Variants in UBE2D2 observed in about 807,000 individuals in gnomAD.
UBE2D2 encodes the protein ubiquitin conjugating enzyme E2 D2.
A neutral mutation model predicts 24.2 loss-of-function variants in UBE2D2; 2 were observed. The observed-to-expected ratio is 0.08, with a 90% CI of 0.03 to 0.26. The LOEUF (loss-of-function observed/expected upper bound fraction) is 0.26. Ranked by LOEUF, UBE2D2 falls within the 10% of genes least tolerant of loss-of-function variation. The pLI is 1.00. For synonymous variants in UBE2D2, 58 were observed against 56.5 expected (o/e 1.03, Z -0.12); for missense variants, 44 against 177.6 (o/e 0.25, Z 4.28).
intron 2 of UBE2D2, among the ~76,000 whole-genome samples, chr5:139,604,140 C>CTTTT (rs558742235): frequency 1.4e-5 from 2 of 140,334 alleles, no homozygotes; most frequent in South Asian, 2.3e-4. Flanking sequence ...ATTTTTAAAA[C>CTTTT]TTTTTTTTTT....
intron 1 of UBE2D2, among the ~76,000 whole-genome samples, chr5:139,572,726 A>G (rs1316249300): frequency 2.0e-5 from 3 of 151,150 alleles, no homozygotes; most frequent in African/African-American, 7.3e-5. Context: ...GCTCACTGCA[A>G]CCTCCGCCTC....
intron 1 of UBE2D2, among the ~76,000 whole-genome samples, chr5:139,594,261 G>C (rs1365553737): frequency 1.3e-5 from 2 of 152,182 alleles, no homozygotes; most frequent in Non-Finnish European, 2.9e-5. Context: ...CAAGGATATA[G>C]TGAAAGGGAA....
At chr5:139,606,256 G>A (rs929674947) in intron 2 of UBE2D2, among the ~76,000 whole-genome samples, 2 of 152,100 alleles carry the variant, frequency 1.3e-5, no homozygotes, top group Non-Finnish European at 2.9e-5. Context: ...CTGCGTCCCA[G>A]GTTCAAGCAA....
At chr5:139,578,925 T>C (rs143168880) in intron 1 of UBE2D2, among the ~76,000 whole-genome samples, 1 of 152,322 alleles carries the variant, frequency 6.6e-6, no homozygotes, top group African/African-American at 2.4e-5. Context: ...TGCCATTGAT[T>C]ATATGCAGCT....
upstream of UBE2D2, among the ~76,000 whole-genome samples, chr5:139,557,119 C>G (rs1388360089): frequency 6.6e-6 from 1 of 151,198 alleles, no homozygotes; most frequent in Non-Finnish European, 1.5e-5. Context: ...AGGTATGAGT[C>G]ACTGTGCCCA....
At chr5:139,547,310 C>T (rs187494885) in intron 1 of UBE2D2, among the ~76,000 whole-genome samples, 1 of 152,012 alleles carries the variant, frequency 6.6e-6, no homozygotes, top group African/African-American at 2.4e-5. Flanking sequence ...GTGGCTCACA[C>T]AGCAAAGGAT....
chr5:139,602,981 C>T lies in UBE2D2; in HGVS notation c.88+2546C>T, dbSNP rs1754116319. Among the ~76,000 whole-genome samples the T allele has an allele frequency of 3.3e-5, 5 of 152,138 alleles. No individual in the cohort carries two copies. In the South Asian group the frequency reaches 1.0e-3, roughly 32 times the overall value. On this transcript the variant is annotated intron_variant, in intron 2 of 6. Coordinates refer to ENST00000398733, the MANE Select transcript of UBE2D2 (RefSeq NM_003339.3). The stretch of plus-strand genomic sequence containing the variant: ...GTCTCATTTAAGCCTTACAACAACT[C>T]ATTTAGGTGAGTGGAGTAGAAATTT...
intron 1 of UBE2D2, among the ~76,000 whole-genome samples, chr5:139,564,406 A>G (rs1427129908): frequency 6.6e-6 from 1 of 150,734 alleles, no homozygotes; most frequent in Non-Finnish European, 1.5e-5. Flanking sequence ...CACCTGCCTC[A>G]GCCTCCCAAA....
rs151321535 is a variant in UBE2D2, at chr5:139,562,918, C to A, written c.24+1103C>A. 6.2e-3 allele frequency among the ~76,000 whole-genome samples: 947 copies of A among 152,138 alleles called. 15 individuals are homozygous for A. Among genetic ancestry groups the A allele is most frequent in the African/African-American group, 0.02 (815 of 41,522 alleles). ...GCTACTCAGATTGGCTATATTAAAC[C>A]GGTAGCTACTTTTTTCTTCAATACA... On this transcript the variant is annotated intron_variant, in intron 1 of 6. Coordinates refer to ENST00000398733, the MANE Select transcript of UBE2D2 (RefSeq NM_003339.3).
intron 1 of UBE2D2, among the ~76,000 whole-genome samples, chr5:139,584,644 TGCCTCA>T (rs1435436246): frequency 6.7e-6 from 1 of 150,234 alleles, no homozygotes; most frequent in African/African-American, 2.5e-5. Flanking sequence ...GCGATTCTCC[TGCCTCA>T]GCCTCCCTAG....
intron 1 of UBE2D2, chr5:139,562,490 T>A (rs1753132385): frequency 4.0e-6 from 5 of 1,240,094 alleles, no homozygotes; most frequent in Non-Finnish European, 5.2e-6. Context: ...AACTAACACT[T>A]CCGTTTTGCA....
intron 2 of UBE2D2, among the ~76,000 whole-genome samples, chr5:139,603,030 C>G (rs947148118): frequency 6.6e-6 from 1 of 152,078 alleles, no homozygotes; most frequent in African/African-American, 2.4e-5. Flanking sequence ...AAAAAAGTCC[C>G]ATGAGAATCT....
At chr5:139,597,168 T>C (rs2126682469) in intron 1 of UBE2D2, among the ~76,000 whole-genome samples, 1 of 152,342 alleles carries the variant, frequency 6.6e-6, no homozygotes, top group South Asian at 2.1e-4. Flanking sequence ...ATAATGATTT[T>C]GAACATTTCT....
intron 1 of UBE2D2, among the ~76,000 whole-genome samples, chr5:139,532,200 A>G (rs1393753479): frequency 6.7e-6 from 1 of 149,238 alleles, no homozygotes; most frequent in African/African-American, 2.5e-5. Flanking sequence ...GGGGGGACAG[A>G]GTCTTGCTCT....
intron 1 of UBE2D2, among the ~76,000 whole-genome samples, chr5:139,577,197 G>C (rs1200521628): frequency 1.3e-5 from 2 of 151,906 alleles, no homozygotes; most frequent in African/African-American, 4.8e-5. Flanking sequence ...CCTGTGCTTT[G>C]AAAGAGTAAA....
At position 139,566,592 on chromosome 5, in the gene UBE2D2, G is replaced by A. The variant is rs1019220088; in HGVS notation, c.24+4777G>A. 1.4e-4 allele frequency among the ~76,000 whole-genome samples: 22 copies of A among 152,134 alleles called. 1 individual carries two copies. The highest frequency in any genetic ancestry group is 4.6e-4 in the African/African-American group (19 of 41,522). ...TGGGAGGCTGAGGTGGGAGGATCTC[G>A]GGAGCCTGGGAGGTAGAGGCTGCAG... is the stretch of plus-strand genomic sequence containing the variant. On this transcript the variant is annotated intron_variant, in intron 1 of 6. Transcript: ENST00000398733.
chr5:139,557,327 G>A (rs928430804), upstream of UBE2D2, among the ~76,000 whole-genome samples: 9 of 151,758 alleles, frequency 5.9e-5, no homozygotes, highest in Admixed American at 2.6e-4. Context: ...GTAGAGACAT[G>A]TTTCACCATG....
At chr5:139,564,139 A>G (rs539057372) in intron 1 of UBE2D2, among the ~76,000 whole-genome samples, 216 of 152,282 alleles carry the variant, frequency 1.4e-3, no homozygotes, top group African/African-American at 5.1e-3. Context: ...TTTTAATAAA[A>G]TCAAGTTTAG....
chr5:139,580,266 T>A (rs1217317084), intron 1 of UBE2D2, among the ~76,000 whole-genome samples: 2 of 152,042 alleles, frequency 1.3e-5, no homozygotes, highest in African/African-American at 4.8e-5. Flanking sequence ...GGTTACATCA[T>A]GTTGCCCAGG....
Sources: allele counts gnomAD v4.1 joint callset (sites outside exome capture counted in the v4.1 genomes callset), GRCh38; gene constraint gnomAD v4.1.1; transcripts MANE v1.5; gene names NCBI Gene and HGNC (gene_info 2026-07-23, HGNC 2026-07-21).